CACNA1D: variants seen among roughly 807,000 people sequenced by gnomAD.
CACNA1D encodes the protein voltage-dependent L-type calcium channel subunit alpha-1D.
A neutral mutation model predicts 257.1 loss-of-function variants in CACNA1D; 55 were observed. The observed-to-expected ratio is 0.21, with a 90% CI of 0.17 to 0.27. The LOEUF (loss-of-function observed/expected upper bound fraction) is 0.27. Ranked by LOEUF, CACNA1D falls within the 10% of genes least tolerant of loss-of-function variation. The probability of loss-of-function intolerance (pLI) is 1.00; values close to 1 mark genes in which losing one functional copy is unlikely to be tolerated. For missense variants in CACNA1D, 1,876 were observed against 2,784.0 expected, an observed-to-expected ratio of 0.67 and a Z score of 7.34; for synonymous variants, 980 against 1,014.9, an observed-to-expected ratio of 0.97 and a Z score of 0.65.
intron 4 of CACNA1D, among the ~76,000 whole-genome samples, chr3:53,651,370 T>TTTTTTC (rs2094093348): frequency 7.8e-6 from 1 of 127,812 alleles, no homozygotes; most frequent in African/African-American, 3.9e-5. Flanking sequence ...AATTTTCTTT[T>TTTTTTC]TTTTTTTTTT....
chr3:53,563,482 C>T (rs1214753589), intron 3 of CACNA1D, among the ~76,000 whole-genome samples: 1 of 149,426 alleles, frequency 6.7e-6, no homozygotes, highest in Non-Finnish European at 1.5e-5. Context: ...TGAGATTGCA[C>T]CACTGCACTC....
intron 3 of CACNA1D, among the ~76,000 whole-genome samples, chr3:53,532,534 A>C (rs2107459656): frequency 6.6e-6 from 1 of 152,268 alleles, no homozygotes; most frequent in Non-Finnish European, 1.5e-5. Flanking sequence ...GAGAATGAAG[A>C]GATGGATAAA....
intron 4 of CACNA1D, among the ~76,000 whole-genome samples, chr3:53,658,910 A>T (rs1485469246): frequency 6.6e-6 from 1 of 152,150 alleles, no homozygotes; most frequent in Non-Finnish European, 1.5e-5. Flanking sequence ...TGATCTATAA[A>T]TGCCCCAGAA....
At chr3:53,759,898 G>A (rs770884803) in intron 29 of CACNA1D, among the ~76,000 whole-genome samples, 18 of 152,240 alleles carry the variant, frequency 1.2e-4, no homozygotes, top group Non-Finnish European at 2.4e-4. Context: ...TCTCTGCTCA[G>A]TTTTGCCAGC....
At chr3:53,733,980 A>G (rs866403828) in intron 19 of CACNA1D, among the ~76,000 whole-genome samples, 2,276 of 137,974 alleles carry the variant, frequency 0.016, 77 homozygotes, top group African/African-American at 0.058. Flanking sequence ...ATATGTATAT[A>G]TATATACATA....
At chr3:53,607,921 T>G (rs1046959515) in intron 3 of CACNA1D, among the ~76,000 whole-genome samples, 4 of 152,250 alleles carry the variant, frequency 2.6e-5, no homozygotes, top group African/African-American at 9.6e-5. Flanking sequence ...ATGTCTTGAT[T>G]AATGTAGCTT....
chr3:53,673,006 CA>C lies in CACNA1D; in HGVS notation c.1117-16del. On this transcript the variant is annotated splice_polypyrimidine_tract_variant and intron_variant, in intron 7 of 47. Transcript: ENST00000350061. This position sits in a 1 kb window ranked among gnomAD's most constrained non-coding sequence, Gnocchi z 4.1. ...TCTTATTAACCCACTCCTATGAGAC[CA>C]TCTTATTTCTTGCAGATGAATGATG... is the stretch of plus-strand genomic sequence containing the variant. The C allele has an allele frequency of 6.6e-7, 1 of 1,515,980 alleles. No homozygotes were observed. Among genetic ancestry groups the C allele is most frequent in the South Asian group, 1.2e-5 (1 of 83,374 alleles). 93.9% of individuals were successfully genotyped at this position (1,515,980 alleles called of 1,614,324 possible).
chr3:53,582,763 G>C (rs1000326581), intron 3 of CACNA1D, among the ~76,000 whole-genome samples: 1 of 152,136 alleles, frequency 6.6e-6, no homozygotes, highest in African/African-American at 2.4e-5. Context: ...AAGTAGCCTG[G>C]CAAGTTGATA....
intron 9 of CACNA1D, among the ~76,000 whole-genome samples, chr3:53,704,071 TG>T (rs991388110): frequency 2.6e-5 from 4 of 152,098 alleles, no homozygotes; most frequent in Non-Finnish European, 4.4e-5. Flanking sequence ...GAGGAAGCAG[TG>T]GGCCCTTCAG....
chr3:53,541,134 C>T (rs575633322), intron 3 of CACNA1D, among the ~76,000 whole-genome samples: 2 of 152,040 alleles, frequency 1.3e-5, no homozygotes, highest in African/African-American at 2.4e-5. Context: ...CATAATTTTG[C>T]GAGTACATCT....
At chr3:53,518,789 G>T (rs2091443898) in intron 3 of CACNA1D, among the ~76,000 whole-genome samples, 1 of 152,224 alleles carries the variant, frequency 6.6e-6, no homozygotes, top group African/African-American at 2.4e-5. Flanking sequence ...AGTGCAATGT[G>T]TCATGGGCTC....
chr3:53,710,477 T>C (rs1166422193), intron 9 of CACNA1D: 2 of 456,668 alleles, frequency 4.4e-6, no homozygotes, highest in South Asian at 1.5e-5. Context: ...CTAAAGATCA[T>C]GGTAAATTGC....
chr3:53,560,913 T>C (rs943837679), intron 3 of CACNA1D, among the ~76,000 whole-genome samples: 3 of 152,220 alleles, frequency 2.0e-5, no homozygotes, highest in Non-Finnish European at 2.9e-5. Context: ...GAAACAAAGA[T>C]AGGAAAGCAA....
intron 3 of CACNA1D, among the ~76,000 whole-genome samples, chr3:53,632,986 G>C (rs545748022): frequency 6.6e-6 from 1 of 152,192 alleles, no homozygotes; most frequent in East Asian, 1.9e-4. Context: ...GCACTTAACT[G>C]CTGGAAAAAT....
chr3:53,635,801 C>T (rs572070318), intron 3 of CACNA1D, among the ~76,000 whole-genome samples: 14 of 152,326 alleles, frequency 9.2e-5, no homozygotes, highest in South Asian at 6.2e-4. Flanking sequence ...TGGTTCCACC[C>T]ATTCTCCTCT....
chr3:53,614,837 C>G (rs1322419080), intron 3 of CACNA1D, among the ~76,000 whole-genome samples: 1 of 152,212 alleles, frequency 6.6e-6, no homozygotes, highest in African/African-American at 2.4e-5. Context: ...AATGAGGAGA[C>G]ACACAGTGCC....
intron 8 of CACNA1D, among the ~76,000 whole-genome samples, chr3:53,686,690 A>G (rs1374760949): frequency 2.0e-5 from 3 of 152,084 alleles, no homozygotes; most frequent in Non-Finnish European, 4.4e-5. Flanking sequence ...AAAAAAAACT[A>G]TAGCTGACAA....
At chr3:53,695,139 A>C (rs2094561905) in intron 8 of CACNA1D, among the ~76,000 whole-genome samples, 1 of 152,184 alleles carries the variant, frequency 6.6e-6, no homozygotes, top group Non-Finnish European at 1.5e-5. Flanking sequence ...GAAATGGGCA[A>C]CAAAAAATGG....
intron 8 of CACNA1D, among the ~76,000 whole-genome samples, chr3:53,674,611 G>A (rs576969507): frequency 2.6e-5 from 4 of 152,186 alleles, no homozygotes; most frequent in Non-Finnish European, 4.4e-5. Flanking sequence ...TGCCTTGCCC[G>A]TAGCTGGAGA....
Sources: gnomAD v4.1 joint callset for allele counts (sites outside exome capture counted in the v4.1 genomes callset) on GRCh38, gnomAD v4.1.1 for gene constraint, Gnocchi (gnomAD v3.1) non-coding constraint, MANE v1.5 for transcripts, NCBI Gene and HGNC (gene_info 2026-07-23, HGNC 2026-07-21) for gene names.